VCL: variants seen among roughly 807,000 people sequenced by gnomAD.
VCL encodes the protein vinculin.
VCL carries 47 observed loss-of-function variants against 125.7 expected under a neutral mutation model. That is an observed-to-expected ratio of 0.37 (90% CI 0.30 to 0.48). VCL has a LOEUF of 0.48. VCL is among the 20% of genes least tolerant of loss of function. VCL has a pLI of 0.99. For synonymous variants in VCL, 458 were observed against 514.6 expected, an observed-to-expected ratio of 0.89 and a Z score of 1.49; for missense variants, 1,069 against 1,455.5, an observed-to-expected ratio of 0.73 and a Z score of 4.32.
At chr10:74,104,812 C>G in intron 15 of VCL, 1 of 546,174 alleles carries the variant, frequency 1.8e-6, no homozygotes, top group Non-Finnish European at 3.3e-6. Context: ...TACAAGAAGG[C>G]TGGCAACCAC....
chr10:74,115,942 C>T (rs967727287), intron 21 of VCL, among the ~76,000 whole-genome samples: 7 of 152,152 alleles, frequency 4.6e-5, no homozygotes, highest in African/African-American at 7.2e-5. Context: ...ATTTCCCCTC[C>T]GGGAGGCCCT....
chr10:74,072,644 G>GTAT, intron 4 of VCL, 86 bp from the exon 5 acceptor site: 1 of 1,600,884 alleles, frequency 6.2e-7, no homozygotes, highest in Non-Finnish European at 8.5e-7. Context: ...AACTTTCATA[G>GTAT]TATTTCATAA....
At chr10:74,054,573 T>C (rs1841361791) in intron 2 of VCL, among the ~76,000 whole-genome samples, 1 of 152,246 alleles carries the variant, frequency 6.6e-6, no homozygotes. Flanking sequence ...TACATTCTAC[T>C]GTAGAACAGT....
chr10:74,045,640 A>T (rs1016016624), intron 2 of VCL, among the ~76,000 whole-genome samples: 1 of 150,902 alleles, frequency 6.6e-6, no homozygotes, highest in Non-Finnish European at 1.5e-5. Flanking sequence ...AAAAAAAAAA[A>T]GTTCAAAAAC....
intron 2 of VCL, among the ~76,000 whole-genome samples, chr10:74,045,874 T>C (rs1414385774): frequency 6.6e-6 from 1 of 152,152 alleles, no homozygotes; most frequent in Non-Finnish European, 1.5e-5. Context: ...TATTTATGCA[T>C]TATATTATAC....
intron 1 of VCL, among the ~76,000 whole-genome samples, chr10:74,023,872 C>A (rs1272943091): frequency 1.3e-5 from 2 of 152,200 alleles, no homozygotes; most frequent in African/African-American, 4.8e-5. Context: ...TCTCAGCCAG[C>A]ATGCTCTGGA....
chr10:74,066,338 C>T (rs1003916002), intron 2 of VCL, among the ~76,000 whole-genome samples: 2 of 152,032 alleles, frequency 1.3e-5, no homozygotes, highest in African/African-American at 2.4e-5. Flanking sequence ...AGATTACAGG[C>T]GTGAGCCACC....
In VCL at chr10:74,112,033, C is replaced by T; in HGVS notation, c.2870C>T (p.Pro957Leu). The T allele has an allele frequency of 6.2e-7, 1 of 1,614,180 alleles. No individual in the cohort carries two copies. Among genetic ancestry groups the T allele is most frequent in the South Asian group, 1.1e-5 (1 of 91,086 alleles). Residue 957 changes from proline to leucine, a missense_variant, in exon 19 of 22, where the codon CCA becomes CTA. Coordinates refer to ENST00000211998, the MANE Select transcript of VCL (RefSeq NM_014000.3). ...TACGAACCTGAGCTGCTGTTAATGC[C>T]ATCCAATCAGCCGGTCAACCAGCCC... The part of the protein sequence containing the change: ...DDYEPELLLM[P>L]SNQPVNQPIL...
chr10:74,058,415 A>G (rs1841423538), intron 2 of VCL, among the ~76,000 whole-genome samples: 1 of 152,172 alleles, frequency 6.6e-6, no homozygotes, highest in Non-Finnish European at 1.5e-5. Flanking sequence ...TGCGACCTCC[A>G]TGAAATAAAA....
Position 73,998,174 on chromosome 10 carries a change from T to C in VCL, c.-34T>C. The C allele has an allele frequency of 1.2e-6, 2 of 1,606,236 alleles. No homozygotes were observed. Among genetic ancestry groups the C allele is most frequent in the East Asian group, 4.5e-5 (2 of 44,466 alleles). On this transcript the variant is annotated 5_prime_UTR_variant, in exon 1 of 22. Coordinates refer to ENST00000211998, the MANE Select transcript of VCL (RefSeq NM_014000.3). Reference sequence around the variant, plus strand: ...CGGCCCCGTGGATCCTACTTCTCTGTCGCCCGCGGTTCGCCGCCCCGCTCG... The same window carrying C: ...CGGCCCCGTGGATCCTACTTCTCTGCCGCCCGCGGTTCGCCGCCCCGCTCG...
In VCL at chr10:74,117,979, G is replaced by A. The variant is rs572994169; in HGVS notation, c.3259-44G>A. On this transcript the variant is annotated intron_variant, in intron 21 of 21. Coordinates refer to ENST00000211998, the MANE Select transcript of VCL (RefSeq NM_014000.3). ...TGAAACCTATTTTAGAGACAGGCCT[G>A]CATCAGGGACCCTGGGTAACGGAAA... The A allele has an allele frequency of 2.2e-5, 36 of 1,612,662 alleles. No homozygotes were observed. In the South Asian group the frequency reaches 4.0e-4, roughly 18 times the overall value.
intron 1 of VCL, chr10:74,027,827 A>G (rs564513939): frequency 6.6e-6 from 1 of 152,166 alleles, no homozygotes; most frequent in Admixed American, 6.5e-5. Flanking sequence ...AATCTTCATC[A>G]TTTTACTTCA....
At chr10:74,088,130 A>G (rs1306308096) in intron 8 of VCL, among the ~76,000 whole-genome samples, 1 of 152,260 alleles carries the variant, frequency 6.6e-6, no homozygotes, top group African/African-American at 2.4e-5. Flanking sequence ...CAGCCATGCC[A>G]TTCTACCAAA....
Position 74,070,604 on chromosome 10 carries a change from T to C in VCL, c.240-66T>C, listed in dbSNP as rs369990399. 4.0e-4 allele frequency: 638 copies of C among 1,600,434 alleles called. 1 individual carries two copies. The East Asian group carries it at 0.013, about 32-fold the overall frequency. ...TGAATTTACATGCATATTCTCTCTTTGTATTTGCATATGGTATTCTTCTGT... is the reference window on the plus strand; with the variant it reads ...TGAATTTACATGCATATTCTCTCTTCGTATTTGCATATGGTATTCTTCTGT... On this transcript the variant is annotated intron_variant, in intron 2 of 21. Coordinates refer to ENST00000211998, the MANE Select transcript of VCL (RefSeq NM_014000.3).
At chr10:74,064,373 C>T (rs1286866966) in intron 2 of VCL, among the ~76,000 whole-genome samples, 1 of 152,038 alleles carries the variant, frequency 6.6e-6, no homozygotes, top group African/African-American at 2.4e-5. Context: ...ATCTAGGGTC[C>T]CCCAGCCACT....
rs181631303 is a variant in VCL, at chr10:74,096,971, G to A, written c.1744-233G>A. On this transcript the variant is annotated intron_variant, in intron 12 of 21. Transcript: ENST00000211998. ...TAGGGTTCCTTGATTGAGTGGAACA[G>A]TCTCTAGGGACATGTGGGTCATGTC... Among the ~76,000 whole-genome samples the A allele has an allele frequency of 1.9e-4, 29 of 152,334 alleles. No homozygotes were observed. In the East Asian group the frequency reaches 5.4e-3, roughly 28 times the overall value.
chr10:74,069,263 C>A (rs1214005516), intron 2 of VCL, among the ~76,000 whole-genome samples: 3 of 152,094 alleles, frequency 2.0e-5, no homozygotes, highest in African/African-American at 7.2e-5. Flanking sequence ...TGGTCTCGAA[C>A]TCCCAACCTC....
chr10:74,059,040 CT>C (rs894675814), intron 2 of VCL, among the ~76,000 whole-genome samples: 2 of 152,100 alleles, frequency 1.3e-5, no homozygotes, highest in Non-Finnish European at 2.9e-5. Context: ...GTGTAGTTAC[CT>C]TCTCCATCGC....
intron 5 of VCL, 98 bp downstream of exon 5, chr10:74,072,950 T>C (rs1591688318): frequency 5.1e-6 from 8 of 1,559,516 alleles, no homozygotes; most frequent in East Asian, 2.3e-5. Context: ...CTTTTCTTTT[T>C]TTTTTTTTTG....
Sources: allele counts gnomAD v4.1 joint callset (sites outside exome capture counted in the v4.1 genomes callset), GRCh38; gene constraint gnomAD v4.1.1; transcripts MANE v1.5; gene names NCBI Gene and HGNC (gene_info 2026-07-23, HGNC 2026-07-21).